The following SH3YL1 variants were observed in gnomAD, a reference collection of about 807,000 sequenced individuals.
SH3YL1 encodes SH3 domain-containing YSC84-like protein 1.
Under a neutral mutation model 45.8 loss-of-function variants are expected in SH3YL1, and 41 were observed. That is an observed-to-expected ratio of 0.89 (90% CI 0.70 to 1.16). The LOEUF (loss-of-function observed/expected upper bound fraction) is 1.16, where lower values mean the gene tolerates loss of function less well. Among genes scored for constraint, SH3YL1 ranks in the 50% most tolerant of loss-of-function variants. SH3YL1 has a pLI of 0.00. For synonymous variants in SH3YL1, 152 were observed against 151.4 expected, an observed-to-expected ratio of 1.00 and a Z score of -0.03; for missense variants, 389 against 409.6, an observed-to-expected ratio of 0.95 and a Z score of 0.43.
At chr2:260,246 A>G (rs770378963) in intron 1 of SH3YL1, 4 of 152,240 alleles carry the variant, frequency 2.6e-5, no homozygotes, top group African/African-American at 9.6e-5. Flanking sequence ...ATTTATACAT[A>G]TATCTAGATG....
At chr2:226,396 T>C (rs1667784800) in intron 8 of SH3YL1, among the ~76,000 whole-genome samples, 1 of 152,160 alleles carries the variant, frequency 6.6e-6, no homozygotes, top group Non-Finnish European at 1.5e-5. Flanking sequence ...AAGAGACTTT[T>C]CAGATAAGAT....
chr2:221,933 TTAGAGA>T (rs1667597460), intron 9 of SH3YL1, among the ~76,000 whole-genome samples: 1 of 152,102 alleles, frequency 6.6e-6, no homozygotes, highest in Admixed American at 6.5e-5. Flanking sequence ...AATGTAAATA[TTAGAGA>T]TAATTTTCAC....
intron 4 of SH3YL1, chr2:241,709 AAAAACAGTAGACTTCAG>A (rs1267518913): frequency 1.1e-4 from 17 of 152,152 alleles, no homozygotes; most frequent in African/African-American, 3.6e-4. Flanking sequence ...ATTTCTCTTC[AAAAACAGTAGACTTCAG>A]AAAACAGTAG....
chr2:221,688 G>C (rs1042513727), intron 9 of SH3YL1, among the ~76,000 whole-genome samples: 1 of 152,112 alleles, frequency 6.6e-6, no homozygotes, highest in East Asian at 1.9e-4. Context: ...TGTTCCTTGT[G>C]CCCAATTCCT....
Position 224,926 on chromosome 2 carries a change from A to G in SH3YL1, c.782-6T>C. ...CTTATATTCATTTCTGTTACCTGCCAAAAAAGAGGAGAGTGGTGATTTTGA... is the reference window on the plus strand; with the variant it reads ...CTTATATTCATTTCTGTTACCTGCCGAAAAAGAGGAGAGTGGTGATTTTGA... On this transcript the variant is annotated splice_polypyrimidine_tract_variant and splice_region_variant and intron_variant, in intron 8 of 9. Coordinates refer to ENST00000356150, the MANE Select transcript of SH3YL1 (RefSeq NM_015677.4). 6.2e-7 allele frequency: 1 copy of G among 1,606,740 alleles called. No homozygotes were observed. The highest frequency in any genetic ancestry group is 8.5e-7 in the Non-Finnish European group (1 of 1,173,516).
intron 9 of SH3YL1, among the ~76,000 whole-genome samples, chr2:223,190 G>C (rs1667646644): frequency 6.6e-6 from 1 of 152,310 alleles, no homozygotes; most frequent in South Asian, 2.1e-4. Flanking sequence ...GCTGGTAAGT[G>C]AAAGTACGGG....
chr2:241,794 G>A (rs553121737), intron 4 of SH3YL1: 1 of 151,978 alleles, frequency 6.6e-6, no homozygotes, highest in Non-Finnish European at 1.5e-5. Flanking sequence ...ATCAGCAAAA[G>A]TATATTTCAA....
At chr2:238,499 G>T (rs1204094484) in intron 4 of SH3YL1, among the ~76,000 whole-genome samples, 2 of 151,992 alleles carry the variant, frequency 1.3e-5, no homozygotes, top group Non-Finnish European at 2.9e-5. Context: ...AAAGTGAAAG[G>T]GCCCATGTAA....
chr2:231,438 A>G (rs1668039140), intron 6 of SH3YL1, among the ~76,000 whole-genome samples: 1 of 152,210 alleles, frequency 6.6e-6, no homozygotes, highest in African/African-American at 2.4e-5. Flanking sequence ...TTAATATAAA[A>G]AGCACATCCA....
intron 3 of SH3YL1, among the ~76,000 whole-genome samples, chr2:248,685 G>A (rs1318639783): frequency 6.6e-6 from 1 of 152,112 alleles, no homozygotes; most frequent in Non-Finnish European, 1.5e-5. Flanking sequence ...GAGCAGTTGG[G>A]GACCTGAGAC....
intron 4 of SH3YL1, among the ~76,000 whole-genome samples, chr2:238,366 C>G (rs888351110): frequency 6.6e-6 from 1 of 151,742 alleles, no homozygotes; most frequent in Non-Finnish European, 1.5e-5. Context: ...AACAACACCC[C>G]CTCCATTCCT....
chr2:234,111 T>C lies in SH3YL1; in HGVS notation c.404+49A>G, dbSNP rs770544406. The C allele has an allele frequency of 5.4e-6, 7 of 1,303,684 alleles. No homozygotes were observed. The South Asian group carries it at 6.3e-5, about 12-fold the overall frequency. 80.8% of individuals were successfully genotyped at this position (1,303,684 alleles called of 1,614,324 possible). A position where few individuals can be genotyped will look rare whatever the true frequency, so the allele number is the denominator to read the frequency against. The stretch of plus-strand genomic sequence containing the variant: ...AGTTTCCTATTAATGCAAAATAAAA[T>C]ATGCAGTTGTTAAACCTTTACTGTC... On this transcript the variant is annotated intron_variant, in intron 5 of 9. Transcript: ENST00000356150.
chr2:229,123 T>C (rs1323041714), intron 8 of SH3YL1, among the ~76,000 whole-genome samples: 4 of 152,132 alleles, frequency 2.6e-5, no homozygotes, highest in Non-Finnish European at 4.4e-5. Context: ...TGTATTCCTA[T>C]TTACTGGTAA....
chr2:222,159 G>A (rs1558231878), intron 9 of SH3YL1, among the ~76,000 whole-genome samples: 1 of 152,134 alleles, frequency 6.6e-6, no homozygotes, highest in Non-Finnish European at 1.5e-5. Flanking sequence ...GGATCTTTGA[G>A]GGAATTGGCC....
chr2:245,939 T>C (rs1429053139), intron 4 of SH3YL1, among the ~76,000 whole-genome samples: 3 of 152,202 alleles, frequency 2.0e-5, no homozygotes, highest in Non-Finnish European at 4.4e-5. Context: ...CTCATGCCTG[T>C]AATCCCAGCA....
intron 2 of SH3YL1, among the ~76,000 whole-genome samples, chr2:251,492 C>T (rs2103049920): frequency 6.6e-6 from 1 of 152,328 alleles, no homozygotes; most frequent in Non-Finnish European, 1.5e-5. Context: ...CTTAGACTAA[C>T]ATGCAAACAG....
chr2:234,881 C>CT lies in SH3YL1; in HGVS notation c.292-610dup, dbSNP rs200970653. Among the ~76,000 whole-genome samples the CT allele has an allele frequency of 5.3e-5, 8 of 151,452 alleles. No individual in the cohort carries two copies. In the East Asian group the frequency reaches 5.8e-4, roughly 11 times the overall value. The stretch of plus-strand genomic sequence containing the variant: ...TGCCTATTTCCATGACTTAATTTTT[C>CT]TTTTTTTTTCCTTGAGAAAGAGTTT... On this transcript the variant is annotated intron_variant, in intron 4 of 9. Transcript: ENST00000356150.
At chr2:225,140 A>G (rs145227625) in intron 8 of SH3YL1, among the ~76,000 whole-genome samples, 112 of 152,366 alleles carry the variant, frequency 7.4e-4, no homozygotes, top group African/African-American at 2.5e-3. Flanking sequence ...TGACATCTGT[A>G]TGACACAGAA....
upstream of SH3YL1, chr2:264,038 C>A: frequency 7.3e-7 from 1 of 1,374,666 alleles, no homozygotes; most frequent in Non-Finnish European, 9.5e-7. Context: ...AAGAGGAAGG[C>A]GCGCTGCCCC....
Sources: allele counts gnomAD v4.1 joint callset (sites outside exome capture counted in the v4.1 genomes callset), GRCh38; gene constraint gnomAD v4.1.1; transcripts MANE v1.5; gene names NCBI Gene and HGNC (gene_info 2026-07-23, HGNC 2026-07-21).